ABLIM1: variants seen among roughly 807,000 people sequenced by gnomAD.
The protein encoded by ABLIM1 is actin binding LIM protein 1, also known as actin-binding LIM protein 1.
A neutral mutation model predicts 107.0 loss-of-function variants in ABLIM1; 40 were observed. The ratio of observed to expected loss-of-function variants is 0.37; its 90% CI spans 0.29 to 0.49. The LOEUF (loss-of-function observed/expected upper bound fraction) is 0.49, where lower values mean the gene tolerates loss of function less well. Ranked by LOEUF, ABLIM1 falls within the 20% of genes least tolerant of loss-of-function variation. The pLI, the probability that ABLIM1 is intolerant of heterozygous loss-of-function variation, is 0.97. For missense variants in ABLIM1, 857 were observed against 1,008.5 expected (o/e 0.85, Z 2.04); for synonymous variants, 357 against 357.3 (o/e 1.00, Z 0.01).
chr10:114,510,916 G>T (rs903847543), intron 6 of ABLIM1, among the ~76,000 whole-genome samples: 2 of 151,996 alleles, frequency 1.3e-5, no homozygotes, highest in Non-Finnish European at 2.9e-5. Context: ...CTCCCAAAGT[G>T]CTGGGATTAC....
In ABLIM1 at chr10:114,485,454, TAAAAC is replaced by T. The variant is rs969698710; in HGVS notation, c.1041+2499_1041+2503del. The stretch of plus-strand genomic sequence containing the variant: ...AAATCAGAAGAATTATTTTAAAAAA[TAAAAC>T]AAAACAACAACCACCTTAGGTAAAA... On this transcript the variant is annotated intron_variant, in intron 8 of 22. Transcript: ENST00000533213. 1.1e-5 allele frequency: 15 copies of T among 1,365,690 alleles called. No homozygotes were observed. The African/African-American group carries it at 1.6e-4, about 15-fold the overall frequency. 84.6% of individuals were successfully genotyped at this position (1,365,690 alleles called of 1,614,324 possible).
the ABLIM1 span, among the ~76,000 whole-genome samples, chr10:114,782,579 G>A: frequency 6.6e-6 from 1 of 152,068 alleles, no homozygotes; most frequent in South Asian, 2.1e-4. Context: ...AGACCAGTTC[G>A]AAAACCTGAA....
chr10:114,786,840 C>G, the ABLIM1 span, among the ~76,000 whole-genome samples: 1 of 152,136 alleles, frequency 6.6e-6, no homozygotes, highest in Non-Finnish European at 1.5e-5. Flanking sequence ...GATCTCGGCT[C>G]GCTACAACAT....
At chr10:114,738,782 A>C (rs1240260865) in intron 1 of ABLIM1, among the ~76,000 whole-genome samples, 1 of 89,512 alleles carries the variant, frequency 1.1e-5, no homozygotes, top group Non-Finnish European at 2.2e-5. Flanking sequence ...GAGGCACGAT[A>C]AAAAAAAAAA....
intron 10 of ABLIM1, 52 bp from the exon 11 acceptor site, chr10:114,468,268 G>T: frequency 6.4e-7 from 1 of 1,555,798 alleles, no homozygotes; most frequent in Non-Finnish European, 8.9e-7. Flanking sequence ...ACTCTTTGCC[G>T]TTTTGTTTGT....
chr10:114,671,870 A>AT (rs939075247), intron 1 of ABLIM1, among the ~76,000 whole-genome samples: 5 of 150,510 alleles, frequency 3.3e-5, no homozygotes, highest in Admixed American at 6.6e-5. Context: ...CCTTTTTCAT[A>AT]TTTTTTTTTA....
At chr10:114,654,098 G>A (rs762936005) in intron 1 of ABLIM1, among the ~76,000 whole-genome samples, 40 of 152,274 alleles carry the variant, frequency 2.6e-4, no homozygotes, top group East Asian at 1.9e-3. Context: ...TGAACACTCT[G>A]GGGCTTCGTA....
chr10:114,627,974 T>A (rs1278973265), intron 1 of ABLIM1, among the ~76,000 whole-genome samples: 8 of 151,972 alleles, frequency 5.3e-5, no homozygotes, highest in African/African-American at 1.9e-4. Flanking sequence ...AATACAAAAT[T>A]AGCCGGGCGT....
intron 15 of ABLIM1, among the ~76,000 whole-genome samples, chr10:114,447,505 G>A (rs999313784): frequency 3.9e-5 from 6 of 152,114 alleles, no homozygotes; most frequent in African/African-American, 1.4e-4. Context: ...ACAAACATTC[G>A]GTAAATTCAC....
In ABLIM1 at chr10:114,613,564, G is replaced by A. The variant is rs1031249969; in HGVS notation, c.245-11603C>T. 9.6e-6 allele frequency: 7 copies of A among 730,872 alleles called. No homozygotes were observed. In the Admixed American group the frequency reaches 1.7e-4, roughly 18 times the overall value. 45.3% of individuals were successfully genotyped at this position (730,872 alleles called of 1,614,324 possible). On this transcript the variant is annotated intron_variant, in intron 1 of 22. Transcript: ENST00000533213. Reference sequence around the variant, plus strand: ...CTGCAGAGTGAAGCTTTTCATTCAAGTGCTTATAAATTTCAGAAACAAGAA... The same window carrying A: ...CTGCAGAGTGAAGCTTTTCATTCAAATGCTTATAAATTTCAGAAACAAGAA...
chr10:114,546,357 G>A (rs1354467690), intron 5 of ABLIM1, among the ~76,000 whole-genome samples: 3 of 149,432 alleles, frequency 2.0e-5, no homozygotes, highest in South Asian at 4.3e-4. Flanking sequence ...ACAGTGGTGC[G>A]ATCTGGGCTC....
chr10:114,447,917 C>T lies in ABLIM1; in HGVS notation c.1698G>A (p.Thr566=), dbSNP rs35055405. 3,702 of 1,613,992 alleles carry T rather than the reference C, an allele frequency of 2.3e-3. 14 individuals are homozygous for T. The highest frequency in any genetic ancestry group is 0.014 in the African/African-American group (1,078 of 74,984). ...ATGAGGGGGGACCAGGCCAGTGGTC[C>T]GTCTCAATCTTTGGTGTCTCGCTGG... ...PDPSETPKIE[T]DHWPGPPSFA... is the part of the protein sequence containing the mutation. The change falls in exon 15 of 23, where the codon ACG becomes ACA. Residue 566 remains threonine, a synonymous_variant. Transcript: ENST00000533213.
Position 114,440,086 on chromosome 10 carries a change from T to C in ABLIM1, c.2063A>G (p.Tyr688Cys), listed in dbSNP as rs901300068. The C allele has an allele frequency of 3.1e-6, 5 of 1,613,642 alleles. No individual in the cohort carries two copies. The Admixed American group carries it at 8.3e-5, about 27-fold the overall frequency. Residue 688 changes from tyrosine (Y) to cysteine (C), a missense_variant, in exon 20 of 23, where the codon TAC becomes TGC. Around this residue, in one of 5 missense-constraint regions of ABLIM1, gnomAD observed 193 missense variants for 208.5 expected, o/e 0.93. Coordinates refer to ENST00000533213, the MANE Select transcript of ABLIM1 (RefSeq NM_002313.7). ...YGDVSGGVRD[Y>C]QTLPDGHMPA... ...GAAAGACAAAGTGTTCCATACCTGG[T>C]AATCTGAAAAGGAAAGGAAAAGAAA...
chr10:114,522,706 A>G (rs537747853), intron 6 of ABLIM1, among the ~76,000 whole-genome samples: 8 of 152,386 alleles, frequency 5.2e-5, no homozygotes, highest in African/African-American at 1.9e-4. Context: ...CGTATTTGCT[A>G]AAAACATTCC....
At chr10:114,752,017 C>T (rs529398863) in intron 1 of ABLIM1, among the ~76,000 whole-genome samples, 4 of 152,310 alleles carry the variant, frequency 2.6e-5, no homozygotes, top group Non-Finnish European at 4.4e-5. Context: ...TTCCCCAACC[C>T]TTTGCTCAAG....
intron 1 of ABLIM1, among the ~76,000 whole-genome samples, chr10:114,684,007 C>CTACT (rs1415217785): frequency 6.6e-6 from 1 of 152,186 alleles, no homozygotes; most frequent in Non-Finnish European, 1.5e-5. Flanking sequence ...AAGGACCAAC[C>CTACT]TACTGTTGGT....
At chr10:114,796,898 C>A in the ABLIM1 span, among the ~76,000 whole-genome samples, 1 of 152,184 alleles carries the variant, frequency 6.6e-6, no homozygotes, top group Non-Finnish European at 1.5e-5. Flanking sequence ...CATCATCTTA[C>A]GACCTGCATA....
Position 114,440,671 on chromosome 10 carries a change from A to G in ABLIM1, c.2059+346T>C, listed in dbSNP as rs145883299. On this transcript the variant is annotated intron_variant, in intron 19 of 22. Transcript: ENST00000533213. ...AGAGACAGGCCCACTTTGTTGCCCA[A>G]CCTAGTCTAGAACTCCTGGCTTCAA... is the stretch of plus-strand genomic sequence containing the variant. Among the ~76,000 whole-genome samples, 55 of 152,118 alleles carry G rather than the reference A, an allele frequency of 3.6e-4. No individual in the cohort carries two copies. In the East Asian group the frequency reaches 9.7e-3, roughly 27 times the overall value.
At chr10:114,678,769 C>T (rs1234188534) in intron 1 of ABLIM1, among the ~76,000 whole-genome samples, 1 of 152,136 alleles carries the variant, frequency 6.6e-6, no homozygotes. Flanking sequence ...TGTACCATTT[C>T]CTTGAGTTTG....
Sources: allele counts gnomAD v4.1 joint callset (sites outside exome capture counted in the v4.1 genomes callset), GRCh38; gene constraint gnomAD v4.1.1; regional missense constraint gnomAD v4.1.1; transcripts MANE v1.5; gene names NCBI Gene and HGNC (gene_info 2026-07-23, HGNC 2026-07-21).